The following CCSER1 variants were observed in gnomAD, a reference collection of about 807,000 sequenced individuals.
The protein encoded by CCSER1 is serine-rich coiled-coil domain-containing protein 1.
Under a neutral mutation model 82.0 loss-of-function variants are expected in CCSER1, and 41 were observed. The observed-to-expected ratio is 0.50, with a 90% CI of 0.39 to 0.65. CCSER1 has a LOEUF of 0.65. CCSER1 is among the 30% of genes least tolerant of loss of function. The pLI, the probability that CCSER1 is intolerant of heterozygous loss-of-function variation, is 0.00. For synonymous variants in CCSER1, 414 were observed against 383.9 expected (o/e 1.08, Z -0.92); for missense variants, 1,119 against 1,064.2 (o/e 1.05, Z -0.72).
intron 6 of CCSER1, among the ~76,000 whole-genome samples, chr4:90,641,160 A>C (rs913416409): frequency 6.6e-6 from 1 of 152,148 alleles, no homozygotes; most frequent in Non-Finnish European, 1.5e-5. Flanking sequence ...AATATATTTT[A>C]TGTTAATTGT....
chr4:90,198,929 T>C (rs1388134780), intron 1 of CCSER1, among the ~76,000 whole-genome samples: 1 of 152,212 alleles, frequency 6.6e-6, no homozygotes, highest in Non-Finnish European at 1.5e-5. Context: ...AGTATCAGTT[T>C]TGGCTACAAC....
At chr4:91,067,056 T>C (rs972318627) in intron 9 of CCSER1, among the ~76,000 whole-genome samples, 5 of 151,926 alleles carry the variant, frequency 3.3e-5, no homozygotes, top group Admixed American at 1.3e-4. Flanking sequence ...TCCCAGCTAT[T>C]TGGGAGGCTA....
At position 91,341,169 on chromosome 4, in the gene CCSER1, C is replaced by T. The variant is rs1747695650; in HGVS notation, c.2217+255175C>T. On this transcript the variant is annotated intron_variant, in intron 10 of 10. Transcript: ENST00000509176. ...TATTAAAATGATTTCAGTCCTTTGACTTTGTTTTCAGATCATTGCTTTCTA... is the reference window on the plus strand; with the variant it reads ...TATTAAAATGATTTCAGTCCTTTGATTTTGTTTTCAGATCATTGCTTTCTA... Among the ~76,000 whole-genome samples the T allele has an allele frequency of 1.3e-5, 2 of 152,182 alleles. 1 individual carries two copies. Among genetic ancestry groups the T allele is most frequent in the East Asian group, 3.9e-4 (2 of 5,180 alleles).
intron 7 of CCSER1, among the ~76,000 whole-genome samples, chr4:90,736,221 A>C (rs1435170030): frequency 6.6e-6 from 1 of 152,114 alleles, no homozygotes; most frequent in Non-Finnish European, 1.5e-5. Flanking sequence ...TGTTAGGTCC[A>C]TTTGGCCTGT....
chr4:90,919,298 C>T (rs6824383), intron 8 of CCSER1, among the ~76,000 whole-genome samples: 70,752 of 151,474 alleles, frequency 0.47, 18,173 homozygotes, highest in African/African-American at 0.7. Flanking sequence ...AGTATCTTTG[C>T]AGAGATACTG....
At chr4:90,277,853 A>C (rs928239962) in intron 1 of CCSER1, among the ~76,000 whole-genome samples, 2 of 152,162 alleles carry the variant, frequency 1.3e-5, no homozygotes, top group African/African-American at 4.8e-5. Context: ...TAAAGTAAAG[A>C]GCTTCTGCAC....
chr4:91,443,292 C>T (rs1265502902), intron 10 of CCSER1, among the ~76,000 whole-genome samples: 4 of 151,964 alleles, frequency 2.6e-5, no homozygotes. Context: ...ACTATGCAGC[C>T]ATAAAAAATG....
At chr4:90,917,405 A>G (rs1727640091) in intron 8 of CCSER1, among the ~76,000 whole-genome samples, 1 of 152,174 alleles carries the variant, frequency 6.6e-6, no homozygotes, top group Non-Finnish European at 1.5e-5. Flanking sequence ...TCAGCAAACT[A>G]TTGCAAGGAC....
intron 10 of CCSER1, among the ~76,000 whole-genome samples, chr4:91,455,584 T>C (rs1644009570): frequency 6.6e-6 from 1 of 151,948 alleles, no homozygotes; most frequent in Non-Finnish European, 1.5e-5. Context: ...GCCTCCAGAA[T>C]TATGAGAAAT....
chr4:90,778,014 C>A (rs868468910), intron 7 of CCSER1, among the ~76,000 whole-genome samples: 16 of 147,552 alleles, frequency 1.1e-4, no homozygotes, highest in South Asian at 2.2e-4. Flanking sequence ...TGTTCCTTTT[C>A]AAAAAAAAAA....
chr4:90,498,558 G>A (rs890435902), intron 5 of CCSER1, among the ~76,000 whole-genome samples: 3 of 152,124 alleles, frequency 2.0e-5, no homozygotes, highest in African/African-American at 7.2e-5. Flanking sequence ...TGAAGTATAA[G>A]TTACAAAGTC....
At chr4:91,277,806 C>T (rs1047213962) in intron 10 of CCSER1, among the ~76,000 whole-genome samples, 1 of 151,398 alleles carries the variant, frequency 6.6e-6, no homozygotes, top group Non-Finnish European at 1.5e-5. Context: ...TTTTTTTGAT[C>T]TAGGGTTTTG....
intron 1 of CCSER1, among the ~76,000 whole-genome samples, chr4:90,281,876 G>C (rs545342130): frequency 6.6e-6 from 1 of 152,126 alleles, no homozygotes; most frequent in South Asian, 2.1e-4. Flanking sequence ...TTTATTCAAT[G>C]AATAAAAATC....
intron 6 of CCSER1, among the ~76,000 whole-genome samples, chr4:90,638,947 T>C (rs573612675): frequency 6.6e-6 from 1 of 152,240 alleles, no homozygotes; most frequent in African/African-American, 2.4e-5. Flanking sequence ...TAATGTTTTC[T>C]TAAGTTTCTG....
intron 9 of CCSER1, among the ~76,000 whole-genome samples, chr4:91,039,180 C>T (rs114914716): frequency 6.6e-6 from 1 of 151,364 alleles, no homozygotes; most frequent in Non-Finnish European, 1.5e-5. Context: ...GCATGTGCCA[C>T]CATGTCCAAC....
intron 1 of CCSER1, among the ~76,000 whole-genome samples, chr4:90,255,651 T>G (rs893492385): frequency 6.6e-6 from 1 of 152,152 alleles, no homozygotes; most frequent in African/African-American, 2.4e-5. Context: ...CAAAAACTAC[T>G]GATTACAGAA....
chr4:91,294,214 A>G (rs1743985836), intron 10 of CCSER1, among the ~76,000 whole-genome samples: 1 of 151,984 alleles, frequency 6.6e-6, no homozygotes, highest in East Asian at 1.9e-4. Context: ...TCATTTCTAA[A>G]TCATCAGCAA....
At chr4:90,420,725 T>C (rs1360541057) in intron 4 of CCSER1, among the ~76,000 whole-genome samples, 1 of 152,108 alleles carries the variant, frequency 6.6e-6, no homozygotes, top group East Asian at 1.9e-4. Flanking sequence ...ACAACAATTT[T>C]AATGAAGTCA....
At chr4:90,989,401 G>A (rs1010520793) in intron 9 of CCSER1, among the ~76,000 whole-genome samples, 25 of 151,652 alleles carry the variant, frequency 1.6e-4, no homozygotes, top group South Asian at 4.1e-4. Flanking sequence ...TGGGGTATAC[G>A]TTTTGAAGGA....
Sources: allele counts gnomAD v4.1 joint callset (sites outside exome capture counted in the v4.1 genomes callset), GRCh38; gene constraint gnomAD v4.1.1; transcripts MANE v1.5; gene names NCBI Gene and HGNC (gene_info 2026-07-23, HGNC 2026-07-21).